CEP57L1: variants seen among roughly 807,000 people sequenced by gnomAD.
CEP57L1 encodes centrosomal protein CEP57L1.
CEP57L1 carries 37 observed loss-of-function variants against 61.0 expected under a neutral mutation model. The ratio of observed to expected loss-of-function variants is 0.61; its 90% CI spans 0.47 to 0.80. The LOEUF is 0.80. Among genes scored for constraint, CEP57L1 ranks in the 30% least tolerant of loss-of-function variants. CEP57L1 has a pLI of 0.00. For synonymous variants in CEP57L1, 137 were observed against 162.3 expected, an observed-to-expected ratio of 0.84 and a Z score of 1.19; for missense variants, 422 against 524.7, an observed-to-expected ratio of 0.80 and a Z score of 1.91.
At chr6:109,142,962 T>G (rs948351133) in intron 1 of CEP57L1, among the ~76,000 whole-genome samples, 11 of 89,540 alleles carry the variant, frequency 1.2e-4, no homozygotes, top group African/African-American at 3.8e-4. Context: ...TCTCTCTCTC[T>G]CTCTCTCTCT....
intron 3 of CEP57L1, among the ~76,000 whole-genome samples, chr6:109,147,187 T>A (rs1772061594): frequency 6.6e-6 from 1 of 152,098 alleles, no homozygotes. Context: ...TTTAGACAAG[T>A]TGTGTTTAAA....
At chr6:109,131,592 T>TA (rs1434446920) in intron 1 of CEP57L1, among the ~76,000 whole-genome samples, 1 of 151,720 alleles carries the variant, frequency 6.6e-6, no homozygotes, top group East Asian at 1.9e-4. Flanking sequence ...CTAAAGCTAT[T>TA]ACAGTATTTT....
intron 1 of CEP57L1, among the ~76,000 whole-genome samples, chr6:109,114,795 A>G (rs1311399512): frequency 2.0e-5 from 3 of 152,150 alleles, no homozygotes; most frequent in Non-Finnish European, 4.4e-5. Flanking sequence ...GTTCTGTTAC[A>G]CTGCAAGGTG....
Position 109,160,725 on chromosome 6 carries a change from G to A in CEP57L1, c.1161+9G>A. The A allele has an allele frequency of 6.4e-7, 1 of 1,568,990 alleles. No homozygotes were observed. Among genetic ancestry groups the A allele is most frequent in the South Asian group, 1.2e-5 (1 of 83,424 alleles). On this transcript the variant is annotated intron_variant, in intron 10 of 10. Transcript: ENST00000517392. The stretch of plus-strand genomic sequence containing the variant: ...AGAAGCATCAAGACAGTGTAAGAAG[G>A]CTTTAGTAAGAGATTTTAATAAAAA...
At position 109,160,711 on chromosome 6, in the gene CEP57L1, GACA is replaced by G; in HGVS notation, c.1157_1159del (p.Asp386_Ser387delinsGly). 6.3e-7 allele frequency: 1 copy of G among 1,587,942 alleles called. No individual in the cohort carries two copies. The highest frequency in any genetic ancestry group is 8.5e-7 in the Non-Finnish European group (1 of 1,172,956). Reference sequence around the variant, plus strand: ...AATCTCCAAACTGAAGAAGCATCAAGACAGTGTAAGAAGGCTTTAGTAAGAGAT... The same window carrying G: ...AATCTCCAAACTGAAGAAGCATCAAGGTGTAAGAAGGCTTTAGTAAGAGAT... On this transcript the variant is annotated inframe_deletion and splice_region_variant, in exon 10 of 11. Coordinates refer to ENST00000517392, the MANE Select transcript of CEP57L1 (RefSeq NM_001271852.3).
At chr6:109,103,097 A>T (rs1309144498) in intron 1 of CEP57L1, among the ~76,000 whole-genome samples, 1 of 152,156 alleles carries the variant, frequency 6.6e-6, no homozygotes, top group Non-Finnish European at 1.5e-5. Flanking sequence ...AGGTTGCAAA[A>T]ATCAACCTGT....
rs2114987729 is a variant in CEP57L1, at chr6:109,167,894, G to T, written c.*4924G>T. 6.6e-6 allele frequency among the ~76,000 whole-genome samples: 1 copy of T among 152,212 alleles called. No homozygotes were observed. The highest frequency in any genetic ancestry group is 1.9e-4 in the East Asian group (1 of 5,182). ...GAGTATTTATTGATCTCTAATTATT[G>T]ATCTCAAAATACTGTATTAGCTACT... On this transcript the variant is annotated 3_prime_UTR_variant, in exon 11 of 11. Coordinates refer to ENST00000517392, the MANE Select transcript of CEP57L1 (RefSeq NM_001271852.3).
chr6:109,106,574 A>G (rs1441118551), intron 1 of CEP57L1, among the ~76,000 whole-genome samples: 1 of 152,172 alleles, frequency 6.6e-6, no homozygotes, highest in Non-Finnish European at 1.5e-5. Flanking sequence ...TACAAGTTGT[A>G]CTACATCTAT....
At chr6:109,104,614 C>T (rs1355195931) in intron 1 of CEP57L1, among the ~76,000 whole-genome samples, 1 of 152,142 alleles carries the variant, frequency 6.6e-6, no homozygotes, top group South Asian at 2.1e-4. Context: ...CAGAATCCCA[C>T]TCTGTTGCCC....
At chr6:109,134,750 G>A (rs1466001465) in intron 1 of CEP57L1, among the ~76,000 whole-genome samples, 2 of 152,034 alleles carry the variant, frequency 1.3e-5, no homozygotes, top group African/African-American at 4.8e-5. Context: ...AAAATCACAA[G>A]CATTCTTATA....
intron 1 of CEP57L1, among the ~76,000 whole-genome samples, chr6:109,113,362 C>T (rs1258697294): frequency 6.6e-6 from 1 of 152,058 alleles, no homozygotes; most frequent in Admixed American, 6.6e-5. Flanking sequence ...TACTCGTTTA[C>T]CTCATTTTAT....
chr6:109,101,625 T>A (rs1000864679), intron 1 of CEP57L1, among the ~76,000 whole-genome samples: 7 of 147,274 alleles, frequency 4.8e-5, no homozygotes, highest in African/African-American at 1.7e-4. Flanking sequence ...TCTTTTTTCT[T>A]TTTTTTTTTT....
rs1774427816 is a variant in CEP57L1, at chr6:109,172,011, C to T, written c.*9041C>T. 6.6e-6 allele frequency among the ~76,000 whole-genome samples: 1 copy of T among 151,988 alleles called. No homozygotes were observed. Among genetic ancestry groups the T allele is most frequent in the African/African-American group, 2.4e-5 (1 of 41,346 alleles). On this transcript the variant is annotated 3_prime_UTR_variant, in exon 11 of 11. Transcript: ENST00000517392. ...CAGGATCAGTGATTCACTGGAGGGA[C>T]TCACAGAACTCAGAAAAGCTGTTAA...
chr6:109,149,757 A>T (rs1772386587), intron 3 of CEP57L1, among the ~76,000 whole-genome samples: 1 of 152,038 alleles, frequency 6.6e-6, no homozygotes, highest in African/African-American at 2.4e-5. Flanking sequence ...ATGAGCATGG[A>T]ATGTTCTTCC....
At chr6:109,115,665 C>A (rs1772182503) in intron 1 of CEP57L1, among the ~76,000 whole-genome samples, 1 of 152,184 alleles carries the variant, frequency 6.6e-6, no homozygotes, top group East Asian at 1.9e-4. Context: ...TTATGGAAAG[C>A]AGTACAGAAA....
chr6:109,135,672 A>G (rs971169006), intron 1 of CEP57L1, among the ~76,000 whole-genome samples: 5 of 152,212 alleles, frequency 3.3e-5, no homozygotes, highest in African/African-American at 1.2e-4. Flanking sequence ...TCATCTGACA[A>G]AGGGCTAATA....
chr6:109,113,839 A>C (rs1287381383), intron 1 of CEP57L1, among the ~76,000 whole-genome samples: 1 of 152,206 alleles, frequency 6.6e-6, no homozygotes, highest in Non-Finnish European at 1.5e-5. Flanking sequence ...GTGTAATAGA[A>C]TAATGAATAA....
chr6:109,161,193 G>T (rs2114963298), intron 10 of CEP57L1, among the ~76,000 whole-genome samples: 1 of 152,112 alleles, frequency 6.6e-6, no homozygotes. Context: ...CCATTCCCTG[G>T]GGTCCTATAC....
In CEP57L1 at chr6:109,169,448, C is replaced by G. The variant is rs1368130060; in HGVS notation, c.*6478C>G. 1.3e-5 allele frequency among the ~76,000 whole-genome samples: 2 copies of G among 152,106 alleles called. No individual in the cohort carries two copies. The highest frequency in any genetic ancestry group is 2.9e-5 in the Non-Finnish European group (2 of 68,026). On this transcript the variant is annotated 3_prime_UTR_variant, in exon 11 of 11. Transcript: ENST00000517392. ...TAAAATAGGAATACTCCCAAGTCCC[C>G]TGTTATGGATGTGCCAATCTATTGT...
Sources: allele counts gnomAD v4.1 joint callset (sites outside exome capture counted in the v4.1 genomes callset), GRCh38; gene constraint gnomAD v4.1.1; transcripts MANE v1.5; gene names NCBI Gene and HGNC (gene_info 2026-07-23, HGNC 2026-07-21).